Variants in ABTB2 observed in about 807,000 individuals in gnomAD.
The protein encoded by ABTB2 is ankyrin repeat and BTB/POZ domain-containing protein 2.
ABTB2 carries 56 observed loss-of-function variants against 104.1 expected under a neutral mutation model. That is an observed-to-expected ratio of 0.54 (90% confidence interval 0.43 to 0.67). ABTB2 has a LOEUF of 0.67. Among genes scored for constraint, ABTB2 ranks in the 30% least tolerant of loss-of-function variants. The pLI, the probability that ABTB2 is intolerant of heterozygous loss-of-function variation, is 0.00. For missense variants in ABTB2, 1,279 were observed against 1,407.7 expected (o/e 0.91, Z 1.46); for synonymous variants, 606 against 608.2 (o/e 1.00, Z 0.05).
In ABTB2 at chr11:34,173,161, T is replaced by C; in HGVS notation, c.1391A>G (p.Gln464Arg). 11 of 1,613,784 alleles carry C rather than the reference T, an allele frequency of 6.8e-6. No homozygotes were observed. The highest frequency in any genetic ancestry group is 9.3e-6 in the Non-Finnish European group (11 of 1,179,912). The part of the protein sequence containing the change: ...LLPGLDCEPR[Q>R]LKPEHCFSSF... ...CCTCCTCCCTGGTTCATACTTGAGC[T>C]GCCGAGGTTCACAGTCCAGACCAGG... is the stretch of plus-strand genomic sequence containing the variant. Residue 464 changes from glutamine (Q) to arginine (R), a missense_variant, in exon 4 of 17, where the codon CAG (glutamine) becomes CGG (arginine). Physicochemically the swap from Gln to Arg is conservative, Grantham distance 43 (BLOSUM62 1). Transcript: ENST00000435224.
chr11:34,201,597 A>G (rs978687041), intron 2 of ABTB2, among the ~76,000 whole-genome samples: 1 of 152,156 alleles, frequency 6.6e-6, no homozygotes, highest in South Asian at 2.1e-4. Flanking sequence ...GAGTTAATGC[A>G]TGTAAACTCA....
At chr11:34,241,222 T>C (rs1026878811) in intron 1 of ABTB2, among the ~76,000 whole-genome samples, 1 of 152,172 alleles carries the variant, frequency 6.6e-6, no homozygotes, top group Non-Finnish European at 1.5e-5. Flanking sequence ...CAGATTACAG[T>C]AATCTCCATG....
chr11:34,169,261 C>T (rs1435738734), intron 5 of ABTB2, among the ~76,000 whole-genome samples: 9 of 152,168 alleles, frequency 5.9e-5, no homozygotes, highest in African/African-American at 1.4e-4. Context: ...CCTGTCCCCA[C>T]GCACTCCAGA....
chr11:34,158,467 T>G (rs1233863518), intron 14 of ABTB2, among the ~76,000 whole-genome samples: 3 of 152,188 alleles, frequency 2.0e-5, no homozygotes, highest in South Asian at 2.1e-4. Context: ...TGTGAGACTC[T>G]GGGGTTTGCA....
At chr11:34,350,908 T>A (rs1855390875) in intron 1 of ABTB2, among the ~76,000 whole-genome samples, 1 of 152,178 alleles carries the variant, frequency 6.6e-6, no homozygotes, top group South Asian at 2.1e-4. Context: ...TCTGGACTCA[T>A]GGAGACCTCT....
intron 1 of ABTB2, among the ~76,000 whole-genome samples, chr11:34,306,670 G>A (rs1276854162): frequency 1.3e-5 from 2 of 151,946 alleles, no homozygotes; most frequent in East Asian, 3.9e-4. Flanking sequence ...GCTGCAGTGA[G>A]CCATGACTGC....
chr11:34,213,295 T>C (rs377550309), intron 1 of ABTB2, among the ~76,000 whole-genome samples: 4 of 152,196 alleles, frequency 2.6e-5, no homozygotes, highest in East Asian at 1.9e-4. Context: ...CTGGCTAACA[T>C]GGTGAAATCC....
chr11:34,348,855 A>G (rs1404295129), intron 1 of ABTB2, among the ~76,000 whole-genome samples: 2 of 152,106 alleles, frequency 1.3e-5, no homozygotes, highest in African/African-American at 4.8e-5. Context: ...ACTTCTTTGT[A>G]ACTATCTGTA....
intron 1 of ABTB2, among the ~76,000 whole-genome samples, chr11:34,246,601 CAA>C (rs60681759): frequency 1.0e-3 from 36 of 34,766 alleles, no homozygotes; most frequent in African/African-American, 3.9e-3. Flanking sequence ...AACTCCATCT[CAA>C]AAAAAAAAAA....
At chr11:34,353,348 A>G (rs1172701352) in intron 1 of ABTB2, among the ~76,000 whole-genome samples, 1 of 152,088 alleles carries the variant, frequency 6.6e-6, no homozygotes, top group Non-Finnish European at 1.5e-5. Context: ...AAACTCACCT[A>G]TGGGAAGTGA....
rs769038633 is a variant in ABTB2, at chr11:34,154,714, G to T, written c.2753C>A (p.Thr918Asn). The T allele has an allele frequency of 6.2e-7, 1 of 1,614,228 alleles. No homozygotes were observed. The highest frequency in any genetic ancestry group is 1.1e-5 in the South Asian group (1 of 91,092). ...CCCGAGTCTCACCTCCAGGATGTCA[G>T]TGGTGGGGATCTCCATGGATTCTGT... ...GGTESMEIPT[T>N]DILELLSAAS... Residue 918 changes from threonine to asparagine, a missense_variant, in exon 15 of 17, where the codon ACT becomes AAT. Physicochemically the swap from Thr to Asn is moderately conservative, Grantham distance 65 (BLOSUM62 0). Coordinates refer to ENST00000435224, the MANE Select transcript of ABTB2 (RefSeq NM_145804.3). This position sits in a 1 kb window ranked among gnomAD's most constrained non-coding sequence, Gnocchi z 4.9.
chr11:34,227,789 C>A (rs1565146150), intron 1 of ABTB2, among the ~76,000 whole-genome samples: 1 of 151,970 alleles, frequency 6.6e-6, no homozygotes, highest in Non-Finnish European at 1.5e-5. Context: ...GGCTGGAGTG[C>A]AATGGCATGA....
Position 34,252,568 on chromosome 11 carries a change from G to C in ABTB2, c.884-47878C>G, listed in dbSNP as rs1450905264. Reference sequence around the variant, plus strand: ...CCAACCCTCCAACCTGCCTGAAAGAGAGGAGAGCAGGGAGAGAGAATGGGG... The same window carrying C: ...CCAACCCTCCAACCTGCCTGAAAGACAGGAGAGCAGGGAGAGAGAATGGGG... On this transcript the variant is annotated intron_variant, in intron 1 of 16. Coordinates refer to ENST00000435224, the MANE Select transcript of ABTB2 (RefSeq NM_145804.3). The surrounding 1 kb of genome is among the most constrained non-coding windows in gnomAD (Gnocchi z 5.5). Among the ~76,000 whole-genome samples, 1 of 152,126 alleles carries C rather than the reference G, an allele frequency of 6.6e-6. No homozygotes were observed. Among genetic ancestry groups the C allele is most frequent in the Non-Finnish European group, 1.5e-5 (1 of 68,012 alleles).
At chr11:34,337,545 G>C (rs992229550) in intron 1 of ABTB2, among the ~76,000 whole-genome samples, 12 of 152,222 alleles carry the variant, frequency 7.9e-5, no homozygotes, top group African/African-American at 2.7e-4. Flanking sequence ...CGTGGGCTTT[G>C]AAGTCTGACA....
chr11:34,157,964 C>G (rs1406369609), intron 14 of ABTB2, among the ~76,000 whole-genome samples: 1 of 152,256 alleles, frequency 6.6e-6, no homozygotes, highest in East Asian at 1.9e-4. Context: ...GAGCAAGTTA[C>G]TCAACCTCTC....
intron 1 of ABTB2, among the ~76,000 whole-genome samples, chr11:34,250,460 A>T (rs1208335105): frequency 6.6e-6 from 1 of 152,222 alleles, no homozygotes; most frequent in Non-Finnish European, 1.5e-5. Context: ...TCCTTGCCCA[A>T]ATAGCTTAGT....
intron 1 of ABTB2, among the ~76,000 whole-genome samples, chr11:34,308,868 C>CAAAAAAA (rs57658114): frequency 0.16 from 12,401 of 76,466 alleles, 1,059 homozygotes; most frequent in East Asian, 0.31. Context: ...GAAACTGTCT[C>CAAAAAAA]AAAAAAAAAA....
chr11:34,310,684 T>A (rs1854840442), intron 1 of ABTB2, among the ~76,000 whole-genome samples: 1 of 152,098 alleles, frequency 6.6e-6, no homozygotes, highest in Non-Finnish European at 1.5e-5. Flanking sequence ...GCACCCTCCC[T>A]CTGCTAGTCA....
chr11:34,321,744 A>G (rs921847980), intron 1 of ABTB2, among the ~76,000 whole-genome samples: 2 of 152,238 alleles, frequency 1.3e-5, no homozygotes, highest in Non-Finnish European at 2.9e-5. Flanking sequence ...AGCTCTAGAC[A>G]TGATGTTCGC....
Sources: allele counts gnomAD v4.1 joint callset (sites outside exome capture counted in the v4.1 genomes callset), GRCh38; gene constraint gnomAD v4.1.1; non-coding constraint Gnocchi (gnomAD v3.1); transcripts MANE v1.5; gene names NCBI Gene and HGNC (gene_info 2026-07-23, HGNC 2026-07-21).